The following STOX2 variants were observed in gnomAD, a reference collection of about 807,000 sequenced individuals.
STOX2 encodes the protein storkhead-box protein 2.
A neutral mutation model predicts 60.9 loss-of-function variants in STOX2; 28 were observed. The ratio of observed to expected loss-of-function variants is 0.46; its 90% CI spans 0.34 to 0.63. The LOEUF (loss-of-function observed/expected upper bound fraction) is 0.63, where lower values mean the gene tolerates loss of function less well. Among genes scored for constraint, STOX2 ranks in the 30% least tolerant of loss-of-function variants. The pLI is 0.01. For missense variants in STOX2, 1,024 were observed against 1,187.7 expected, an observed-to-expected ratio of 0.86 and a Z score of 2.03; for synonymous variants, 472 against 463.9, an observed-to-expected ratio of 1.02 and a Z score of -0.22.
In STOX2 at chr4:183,910,899, G is replaced by A. The variant is rs190817000; in HGVS notation, c.166+3943G>A. On this transcript the variant is annotated intron_variant, in intron 1 of 3. Coordinates refer to ENST00000308497, the MANE Select transcript of STOX2 (RefSeq NM_020225.3). ...TCATTTTATAGAAACTAATTCTGGGGCACGTTTGACTGTGTGTTCCAGTTC... is the reference window on the plus strand; with the variant it reads ...TCATTTTATAGAAACTAATTCTGGGACACGTTTGACTGTGTGTTCCAGTTC... Among the ~76,000 whole-genome samples the A allele has an allele frequency of 5.5e-4, 84 of 152,244 alleles. 1 individual carries two copies. Among genetic ancestry groups the A allele is most frequent in the Non-Finnish European group, 1.0e-3 (68 of 68,024 alleles).
chr4:183,928,530 C>T (rs1001276870), intron 1 of STOX2, among the ~76,000 whole-genome samples: 14 of 152,096 alleles, frequency 9.2e-5, no homozygotes, highest in East Asian at 1.9e-4. Context: ...CAATTATTAA[C>T]GGGTGATCAG....
chr4:183,954,374 C>T (rs1377727421), intron 1 of STOX2, among the ~76,000 whole-genome samples: 3 of 151,888 alleles, frequency 2.0e-5, no homozygotes, highest in African/African-American at 7.3e-5. Flanking sequence ...CTGCAACCTC[C>T]GCTTCCCAGG....
chr4:183,904,559 A>G (rs546554510), upstream of STOX2, among the ~76,000 whole-genome samples: 134 of 152,370 alleles, frequency 8.8e-4, 1 homozygote, highest in South Asian at 0.027. Context: ...ACCACAGAAC[A>G]TTAGTGAATT....
chr4:183,820,147 AC>A (rs1396026745), intron 1 of STOX2, among the ~76,000 whole-genome samples: 3 of 151,970 alleles, frequency 2.0e-5, no homozygotes. Context: ...CTGGTCTCGA[AC>A]TCCTGACCTC....
chr4:183,906,711 C>A lies in STOX2; in HGVS notation c.-80C>A. The A allele has an allele frequency of 1.4e-6, 2 of 1,380,406 alleles. No homozygotes were observed. The highest frequency in any genetic ancestry group is 1.9e-6 in the Non-Finnish European group (2 of 1,046,366). 85.5% of individuals were successfully genotyped at this position (1,380,406 alleles called of 1,614,324 possible). ...GCGCAGAGTCCGCCCGGGTCGTGCC[C>A]GCCGTAGACGGATGAAGGAGCGCGC... On this transcript the variant is annotated 5_prime_UTR_variant, in exon 1 of 4. Transcript: ENST00000308497.
chr4:183,913,985 C>T (rs755163902), intron 1 of STOX2, among the ~76,000 whole-genome samples: 6 of 152,124 alleles, frequency 3.9e-5, no homozygotes, highest in Non-Finnish European at 7.3e-5. Context: ...GGGTTTCTCT[C>T]GATAATTATA....
intron 1 of STOX2, among the ~76,000 whole-genome samples, chr4:183,963,806 C>T (rs563821497): frequency 2.9e-4 from 39 of 133,058 alleles, no homozygotes; most frequent in African/African-American, 5.7e-4. Context: ...GACGGAGTCT[C>T]GCTCTGTCAC....
intron 1 of STOX2, among the ~76,000 whole-genome samples, chr4:183,814,929 T>C (rs909156583): frequency 6.6e-6 from 1 of 152,228 alleles, no homozygotes; most frequent in Non-Finnish European, 1.5e-5. Flanking sequence ...AGTATAAAGA[T>C]TTAGTAAAAA....
intron 1 of STOX2, among the ~76,000 whole-genome samples, chr4:183,974,736 A>G (rs1373405810): frequency 1.3e-5 from 2 of 152,226 alleles, no homozygotes; most frequent in Non-Finnish European, 2.9e-5. Flanking sequence ...GAAAGGAAAA[A>G]TGGACAATTA....
intron 1 of STOX2, among the ~76,000 whole-genome samples, chr4:183,885,464 G>A (rs1011167699): frequency 1.3e-5 from 2 of 152,200 alleles, no homozygotes; most frequent in African/African-American, 2.4e-5. Flanking sequence ...CCTCCTTGCT[G>A]TATTTGAGTG....
chr4:183,819,924 T>C (rs906611813), intron 1 of STOX2, among the ~76,000 whole-genome samples: 1 of 152,148 alleles, frequency 6.6e-6, no homozygotes, highest in African/African-American at 2.4e-5. Flanking sequence ...TTCTGGAAAA[T>C]AGTTTTACAG....
At chr4:183,918,828 G>A (rs748417441) in intron 1 of STOX2, among the ~76,000 whole-genome samples, 4 of 152,168 alleles carry the variant, frequency 2.6e-5, no homozygotes, top group African/African-American at 7.2e-5. Flanking sequence ...CTGGGGCTCC[G>A]GGATGACGGC....
intron 1 of STOX2, among the ~76,000 whole-genome samples, chr4:183,992,444 G>A (rs992392773): frequency 2.6e-5 from 4 of 152,204 alleles, no homozygotes; most frequent in Admixed American, 6.5e-5. Context: ...ATCATCAGTG[G>A]AAACTGGAGC....
At chr4:183,949,489 G>A (rs1289402484) in intron 1 of STOX2, among the ~76,000 whole-genome samples, 2 of 152,174 alleles carry the variant, frequency 1.3e-5, no homozygotes, top group Admixed American at 6.5e-5. Flanking sequence ...TACAAGGTCA[G>A]GAGTTCGAGA....
intron 1 of STOX2, among the ~76,000 whole-genome samples, chr4:183,861,109 ACTT>A (rs1380285297): frequency 1.3e-5 from 2 of 152,164 alleles, no homozygotes; most frequent in Non-Finnish European, 2.9e-5. Context: ...TCTCCCCACT[ACTT>A]CTTTCTCTCC....
At position 184,021,965 on chromosome 4, in the gene STOX2, C is replaced by T. The variant is rs1970896; in HGVS notation, c.*4681C>T. The T allele has an allele frequency of 0.65, 98,918 of 152,070 alleles. 33,193 individuals carry two copies. The highest frequency in any genetic ancestry group is 0.9 in the East Asian group (4,675 of 5,170). 9.4% of individuals were successfully genotyped at this position (152,070 alleles called of 1,614,324 possible). A position where few individuals can be genotyped will look rare whatever the true frequency, so the allele number is the denominator to read the frequency against. On this transcript the variant is annotated 3_prime_UTR_variant, in exon 4 of 4. Transcript: ENST00000308497. Reference sequence around the variant, plus strand: ...CCAGGACCATCCCGCCCATTGTCAACGTCATCCAGGGCTCTTCTGGTAGTG... The same window carrying T: ...CCAGGACCATCCCGCCCATTGTCAATGTCATCCAGGGCTCTTCTGGTAGTG...
At chr4:183,995,434 G>GT (rs544243726) in intron 1 of STOX2, among the ~76,000 whole-genome samples, 86 of 149,962 alleles carry the variant, frequency 5.7e-4, no homozygotes, top group Non-Finnish European at 9.5e-4. Context: ...GTGAGAGAGA[G>GT]TTTTTTTTAA....
intron 1 of STOX2, among the ~76,000 whole-genome samples, chr4:183,912,577 G>A (rs773942800): frequency 1.1e-4 from 16 of 152,070 alleles, no homozygotes; most frequent in South Asian, 2.1e-4. Context: ...CTCTTGCATC[G>A]TCTCTCAGAT....
intron 3 of STOX2, chr4:184,015,137 A>T (rs534977208): frequency 6.6e-6 from 1 of 152,310 alleles, no homozygotes; most frequent in East Asian, 1.9e-4. Context: ...GAGTAGGTAC[A>T]TCCCATCATA....
Sources: gnomAD v4.1 joint callset for allele counts (sites outside exome capture counted in the v4.1 genomes callset) on GRCh38, gnomAD v4.1.1 for gene constraint, MANE v1.5 for transcripts, NCBI Gene and HGNC (gene_info 2026-07-23, HGNC 2026-07-21) for gene names.